COL4A5: variants seen among roughly 807,000 people sequenced by gnomAD.
COL4A5 encodes collagen type IV alpha 5 chain, also known as collagen alpha-5(IV) chain.
Under a neutral mutation model 130.2 loss-of-function variants are expected in COL4A5, and 26 were observed. The observed-to-expected ratio is 0.20, with a 90% CI of 0.15 to 0.28. COL4A5 has a LOEUF of 0.28. COL4A5 is among the 10% of genes least tolerant of loss of function. The pLI, the probability that COL4A5 is intolerant of heterozygous loss-of-function variation, is 1.00. For synonymous variants in COL4A5, 496 were observed against 439.6 expected, an observed-to-expected ratio of 1.13 and a Z score of -1.60; for missense variants, 1,131 against 1,344.3, an observed-to-expected ratio of 0.84 and a Z score of 2.48.
chrX:108,621,108 T>C (rs867760743), intron 31 of COL4A5, among the ~76,000 whole-genome samples: 2 of 106,730 alleles, frequency 1.9e-5, no homozygotes, highest in Non-Finnish European at 3.9e-5. Flanking sequence ...TCTTTCCTTT[T>C]CTTCTTTCTT....
chrX:108,440,284 C>A, intron 1 of COL4A5, 78 bp downstream of exon 1: 1 of 656,195 alleles, frequency 1.5e-6, no homozygotes, highest in Non-Finnish European at 2.4e-6. Context: ...GGGGGGGGTC[C>A]CTTTATCTTC....
At position 108,625,772 on chromosome X, in the gene COL4A5, C is replaced by T. The variant is rs141043288; in HGVS notation, c.3084C>T (p.Thr1028=). The change falls in exon 35 of 53, where the codon ACC becomes ACT. Residue 1028 remains threonine, a synonymous_variant. Transcript: ENST00000328300. The stretch of plus-strand genomic sequence containing the variant: ...TAGGACCTCCTGGACTTAAAGGAAC[C>T]ATCGGTGATATGGGTTTTCCAGGTG... ...GLIGPPGLKG[T]IGDMGFPGPQ... is the part of the protein sequence containing the mutation. 151 of 1,201,746 alleles carry T rather than the reference C, an allele frequency of 1.3e-4. No homozygotes were observed. The highest frequency in any genetic ancestry group is 1.6e-4 in the Non-Finnish European group (140 of 887,837).
chrX:108,681,638 A>G, intron 46 of COL4A5, 122 bp from the exon 47 acceptor site: 2 of 776,282 alleles, frequency 2.6e-6, no homozygotes, highest in Admixed American at 4.9e-5. Flanking sequence ...TCTGTTAGAT[A>G]TGGCAGCAAT....
At chrX:108,606,989 A>G in intron 29 of COL4A5, 97 bp downstream of exon 29, 1 of 876,779 alleles carries the variant, frequency 1.1e-6, no homozygotes, top group Non-Finnish European at 1.7e-6. Flanking sequence ...ATTAACTGGA[A>G]ACCCTATGCT....
intron 21 of COL4A5, among the ~76,000 whole-genome samples, chrX:108,592,163 A>G (rs1483721816): frequency 1.8e-5 from 2 of 111,817 alleles, no homozygotes; most frequent in Non-Finnish European, 3.8e-5. Context: ...TTAAAGCAAT[A>G]ACAAGAGAAC....
At chrX:108,467,715 C>T (rs1052577909) in intron 1 of COL4A5, among the ~76,000 whole-genome samples, 2 of 111,289 alleles carry the variant, frequency 1.8e-5, no homozygotes, top group African/African-American at 6.5e-5. Context: ...TTTTTACCTC[C>T]TTGGCCAAAT....
chrX:108,480,818 G>T (rs1004562462), intron 1 of COL4A5, among the ~76,000 whole-genome samples: 4 of 112,680 alleles, frequency 3.5e-5, no homozygotes, highest in Non-Finnish European at 5.6e-5. Context: ...AGACTTGAAA[G>T]GGGATGTGGT....
At chrX:108,673,813 G>A (rs2009108458) in intron 42 of COL4A5, among the ~76,000 whole-genome samples, 1 of 108,949 alleles carries the variant, frequency 9.2e-6, no homozygotes, top group African/African-American at 3.3e-5. Context: ...AGGCCGAGGT[G>A]GGTGGATCAC....
At chrX:108,509,930 A>G (rs1317575772) in intron 1 of COL4A5, among the ~76,000 whole-genome samples, 1 of 112,794 alleles carries the variant, frequency 8.9e-6, no homozygotes, top group Non-Finnish European at 1.9e-5. Context: ...GACAGATTAC[A>G]TAAAGAAAAT....
At chrX:108,534,235 G>A (rs2065425795) in intron 1 of COL4A5, among the ~76,000 whole-genome samples, 1 of 111,001 alleles carries the variant, frequency 9.0e-6, no homozygotes, top group African/African-American at 3.3e-5. Flanking sequence ...CCACTACTAG[G>A]TATCTATCCA....
chrX:108,484,665 C>T (rs1469180071), intron 1 of COL4A5, among the ~76,000 whole-genome samples: 1 of 112,854 alleles, frequency 8.9e-6, no homozygotes, highest in African/African-American at 3.2e-5. Flanking sequence ...GGGAATCTCT[C>T]TGTGGTGAGC....
chrX:108,489,271 C>G (rs2064974857), intron 1 of COL4A5, among the ~76,000 whole-genome samples: 1 of 111,707 alleles, frequency 9.0e-6, no homozygotes, highest in Admixed American at 9.5e-5. Context: ...TTGCATCACA[C>G]AACAAATTTT....
chrX:108,688,586 G>A (rs908975231), intron 49 of COL4A5, among the ~76,000 whole-genome samples: 3 of 111,005 alleles, frequency 2.7e-5, no homozygotes, highest in South Asian at 3.8e-4. Flanking sequence ...ACAGGCGCCC[G>A]CCAGCATGCC....
intron 28 of COL4A5, among the ~76,000 whole-genome samples, chrX:108,605,766 G>T (rs980384530): frequency 8.9e-5 from 10 of 112,034 alleles, no homozygotes; most frequent in African/African-American, 1.3e-4. Flanking sequence ...TGTCATCTCT[G>T]TTCATGCCTG....
At chrX:108,482,702 G>C (rs2064904292) in intron 1 of COL4A5, among the ~76,000 whole-genome samples, 1 of 111,613 alleles carries the variant, frequency 9.0e-6, no homozygotes, top group South Asian at 3.8e-4. Flanking sequence ...AAGAGCTTGT[G>C]TATGTTTTTC....
chrX:108,545,488 T>G (rs1227203652), intron 2 of COL4A5, among the ~76,000 whole-genome samples: 1 of 111,871 alleles, frequency 8.9e-6, no homozygotes, highest in Non-Finnish European at 1.9e-5. Flanking sequence ...TGTTATAATT[T>G]CTGTTCTTTT....
intron 1 of COL4A5, among the ~76,000 whole-genome samples, chrX:108,486,402 A>G (rs188478133): frequency 2.0e-4 from 22 of 111,535 alleles, no homozygotes; most frequent in African/African-American, 6.5e-4. Context: ...TCCACCCCCA[A>G]TTGATTAAGT....
rs1475065917 is a variant in COL4A5, at chrX:108,694,850, A to T, written c.4750A>T (p.Ser1584Cys). The change falls in exon 51 of 53, where the codon AGT becomes TGT. Residue 1584 changes from serine to cysteine, a missense_variant. Coordinates refer to ENST00000328300, the MANE Select transcript of COL4A5 (RefSeq NM_033380.3). ...TCCAGCTGTGGTGATCGCAGTTCAC[A>T]GTCAGACGATCCAGATTCCCCATTG... ...EAPAVVIAVH[S>C]QTIQIPHCPQ... 1 of 1,208,667 alleles carries T rather than the reference A, an allele frequency of 8.3e-7. No homozygotes were observed. Among genetic ancestry groups the T allele is most frequent in the African/African-American group, 1.8e-5 (1 of 56,986 alleles).
intron 3 of COL4A5, among the ~76,000 whole-genome samples, chrX:108,561,633 G>T (rs2065901203): frequency 9.1e-6 from 1 of 110,402 alleles, no homozygotes; most frequent in Non-Finnish European, 1.9e-5. Flanking sequence ...AGGAAAACTG[G>T]CTTAAAACCC....
Sources: allele counts gnomAD v4.1 joint callset (sites outside exome capture counted in the v4.1 genomes callset), GRCh38; gene constraint gnomAD v4.1.1; transcripts MANE v1.5; gene names NCBI Gene and HGNC (gene_info 2026-07-23, HGNC 2026-07-21).